CAPN1: variants seen among roughly 807,000 people sequenced by gnomAD.
The protein encoded by CAPN1 is calpain-1 catalytic subunit.
A neutral mutation model predicts 105.2 loss-of-function variants in CAPN1; 77 were observed. The observed-to-expected ratio is 0.73, with a 90% CI of 0.61 to 0.88. CAPN1 has a LOEUF of 0.88. CAPN1 is among the 40% of genes least tolerant of loss of function. The pLI, the probability that CAPN1 is intolerant of heterozygous loss-of-function variation, is 0.00. For synonymous variants in CAPN1, 355 were observed against 388.8 expected, an observed-to-expected ratio of 0.91 and a Z score of 1.02; for missense variants, 833 against 976.6, an observed-to-expected ratio of 0.85 and a Z score of 1.96.
intron 10 of CAPN1, among the ~76,000 whole-genome samples, chr11:65,203,827 G>A (rs1393906015): frequency 6.6e-6 from 1 of 152,112 alleles, no homozygotes; most frequent in Admixed American, 6.6e-5. Flanking sequence ...CCGGCATCCT[G>A]TGAGGTTCCC....
chr11:65,192,319 C>T (rs1795155745), intron 10 of CAPN1, among the ~76,000 whole-genome samples: 3 of 152,202 alleles, frequency 2.0e-5, no homozygotes, highest in South Asian at 2.1e-4. Context: ...AACATGGTCA[C>T]GAGTGACGTT....
chr11:65,194,576 G>A (rs1948766074), intron 10 of CAPN1, among the ~76,000 whole-genome samples: 2 of 151,958 alleles, frequency 1.3e-5, no homozygotes, highest in African/African-American at 4.8e-5. Context: ...GTAATTATTG[G>A]CCATCACTTT....
chr11:65,186,787 A>G (rs1198788191), intron 6 of CAPN1, among the ~76,000 whole-genome samples: 1 of 152,078 alleles, frequency 6.6e-6, no homozygotes, highest in Non-Finnish European at 1.5e-5. Flanking sequence ...ACTTGACCCC[A>G]GTATCACTGC....
Position 65,210,721 on chromosome 11 carries a change from G to A in CAPN1, c.2060-93G>A. The A allele has an allele frequency of 9.8e-7, 1 of 1,023,668 alleles. No homozygotes were observed. The highest frequency in any genetic ancestry group is 1.6e-6 in the Non-Finnish European group (1 of 642,200). 63.4% of individuals were successfully genotyped at this position (1,023,668 alleles called of 1,614,324 possible). A position where few individuals can be genotyped will look rare whatever the true frequency, so the allele number is the denominator to read the frequency against. On this transcript the variant is annotated intron_variant, in intron 20 of 21. Coordinates refer to ENST00000279247, the MANE Select transcript of CAPN1 (RefSeq NM_005186.4). The surrounding 1 kb of genome is among the most constrained non-coding windows in gnomAD (Gnocchi z 4.3). ...CAGCTTGCGGTACTGTGGGGAGGTA[G>A]AGAGGGACCAGGCAGGAAGGGGGCC...
intron 10 of CAPN1, among the ~76,000 whole-genome samples, chr11:65,194,750 C>T (rs1453441959): frequency 2.6e-5 from 4 of 151,868 alleles, no homozygotes; most frequent in Non-Finnish European, 4.4e-5. Flanking sequence ...ATGGATATAC[C>T]ACATTTTGCT....
Position 65,182,904 on chromosome 11 carries a change from T to G in CAPN1, c.203T>G (p.Leu68Arg). 6.2e-7 allele frequency: 1 copy of G among 1,609,938 alleles called. No homozygotes were observed. The highest frequency in any genetic ancestry group is 1.1e-5 in the South Asian group (1 of 90,298). Residue 68 changes from leucine to arginine, a missense_variant, in exon 2 of 22, where the codon CTG (leucine) becomes CGG (arginine). Coordinates refer to ENST00000279247, the MANE Select transcript of CAPN1 (RefSeq NM_005186.4). ...GCCTTCCCCCCGGTACCCCAGAGCC[T>G]GGGTTACAAGGACCTGGGTCCCAAT... The part of the protein sequence containing the change: ...DEAFPPVPQS[L>R]GYKDLGPNSS...
At chr11:65,204,178 G>T (rs1458121733) in intron 10 of CAPN1, among the ~76,000 whole-genome samples, 1 of 152,132 alleles carries the variant, frequency 6.6e-6, no homozygotes, top group Non-Finnish European at 1.5e-5. Context: ...GCTGCAAGCT[G>T]TGGGAGGGTT....
chr11:65,196,101 T>G (rs575061707), intron 10 of CAPN1, among the ~76,000 whole-genome samples: 1 of 152,082 alleles, frequency 6.6e-6, no homozygotes, highest in African/African-American at 2.4e-5. Flanking sequence ...TTTAGTAATT[T>G]GAGTCCTCTG....
intron 10 of CAPN1, among the ~76,000 whole-genome samples, chr11:65,199,320 T>C (rs1948834745): frequency 6.6e-6 from 1 of 152,244 alleles, no homozygotes; most frequent in African/African-American, 2.4e-5. Flanking sequence ...ATCATTGCTA[T>C]GTGAGCCAGG....
intron 10 of CAPN1, among the ~76,000 whole-genome samples, chr11:65,190,703 G>GTTT (rs781281135): frequency 9.7e-4 from 145 of 149,130 alleles, no homozygotes; most frequent in Non-Finnish European, 1.6e-3. Context: ...TTTGTTGTTG[G>GTTT]TTTTTTTTGT....
At chr11:65,189,899 C>T (rs1948695494) in intron 10 of CAPN1, among the ~76,000 whole-genome samples, 1 of 152,194 alleles carries the variant, frequency 6.6e-6, no homozygotes, top group Non-Finnish European at 1.5e-5. Flanking sequence ...TCGGGCCTGG[C>T]CTTGCACTTC....
intron 10 of CAPN1, among the ~76,000 whole-genome samples, chr11:65,191,524 G>A (rs911683776): frequency 2.0e-5 from 3 of 152,148 alleles, no homozygotes; most frequent in South Asian, 2.1e-4. Context: ...GATTACAGGC[G>A]TGCGGCACCA....
chr11:65,187,597 C>G (rs187260166), intron 7 of CAPN1: 4 of 497,404 alleles, frequency 8.0e-6, no homozygotes, highest in Non-Finnish European at 1.5e-5. Flanking sequence ...TGTTAAAGTG[C>G]GTGCATGGGC....
Position 65,186,274 on chromosome 11 carries a change from G to T in CAPN1, c.695G>T (p.Ser232Ile), listed in dbSNP as rs772581750. ...TGGTACGAGTTGCGCAAGGCTCCCA[G>T]TGACCTCTACCAGATCATCCTCAAG... ...TEWYELRKAP[S>I]DLYQIILKAL... Residue 232 changes from serine (S) to isoleucine (I), a missense_variant, in exon 6 of 22, where the codon AGT becomes ATT. By Grantham distance (142) the Ser-to-Ile change is moderately radical. Transcript: ENST00000279247. 6.2e-7 allele frequency: 1 copy of T among 1,613,496 alleles called. No homozygotes were observed. Among genetic ancestry groups the T allele is most frequent in the Non-Finnish European group, 8.5e-7 (1 of 1,179,684 alleles).
chr11:65,198,794 G>T (rs535458136), intron 10 of CAPN1, among the ~76,000 whole-genome samples: 7 of 152,146 alleles, frequency 4.6e-5, no homozygotes, highest in Non-Finnish European at 8.8e-5. Context: ...CAAGTAGCTA[G>T]GACTACAGGC....
At chr11:65,206,167 C>T (rs1948954243) in intron 12 of CAPN1, 1 of 555,190 alleles carries the variant, frequency 1.8e-6, no homozygotes, top group African/African-American at 1.9e-5. Flanking sequence ...CCTGCAGTAC[C>T]TGACCTGGGG....
At chr11:65,186,866 C>T (rs1324764643) in intron 6 of CAPN1, among the ~76,000 whole-genome samples, 2 of 152,312 alleles carry the variant, frequency 1.3e-5, no homozygotes, top group African/African-American at 2.4e-5. Flanking sequence ...CGTCCTTCTC[C>T]GTGAGGCCCA....
At position 65,204,704 on chromosome 11, in the gene CAPN1, A is replaced by AGTT. The variant is rs751559173; in HGVS notation, c.1188_1190dup (p.Gln396_Phe397insLeu). 6.2e-7 allele frequency: 1 copy of AGTT among 1,612,306 alleles called. No individual in the cohort carries two copies. The highest frequency in any genetic ancestry group is 1.1e-5 in the South Asian group (1 of 91,084). On this transcript the variant is annotated inframe_insertion, in exon 11 of 22. Transcript: ENST00000279247. ...GCAGCCACCTTCTGGGTGAACCCTC[A>AGTT]GTTCAAGATCCGGCTGGATGAGACG...
In CAPN1 at chr11:65,209,949, G is replaced by A. The variant is rs143451790; in HGVS notation, c.1863+32G>A. ...TGTCCCCACTCACCTCAGTCATGCAGGTGCGGGCCGGGCAGGTGGGAAGGG... is the reference window on the plus strand; with the variant it reads ...TGTCCCCACTCACCTCAGTCATGCAAGTGCGGGCCGGGCAGGTGGGAAGGG... On this transcript the variant is annotated intron_variant, in intron 18 of 21. Transcript: ENST00000279247. This position sits in a 1 kb window ranked among gnomAD's most constrained non-coding sequence, Gnocchi z 4.1. The A allele has an allele frequency of 9.3e-4, 1,502 of 1,612,872 alleles. 3 individuals are homozygous for A. The highest frequency in any genetic ancestry group is 1.1e-3 in the Non-Finnish European group (1,277 of 1,179,270).
Sources: gnomAD v4.1 joint callset for allele counts (sites outside exome capture counted in the v4.1 genomes callset) on GRCh38, gnomAD v4.1.1 for gene constraint, Gnocchi (gnomAD v3.1) non-coding constraint, MANE v1.5 for transcripts, NCBI Gene and HGNC (gene_info 2026-07-23, HGNC 2026-07-21) for gene names.